The following NTNG2 variants were observed in gnomAD, a reference collection of about 807,000 sequenced individuals.
NTNG2 encodes the protein netrin-G2.
A neutral mutation model predicts 47.6 loss-of-function variants in NTNG2; 15 were observed. The ratio of observed to expected loss-of-function variants is 0.32; its 90% CI spans 0.21 to 0.49. The LOEUF is 0.49. NTNG2 is among the 20% of genes least tolerant of loss of function. The pLI, the probability that NTNG2 is intolerant of heterozygous loss-of-function variation, is 0.99. For synonymous variants in NTNG2, 307 were observed against 324.6 expected (o/e 0.95, Z 0.58); for missense variants, 578 against 764.6 (o/e 0.76, Z 2.88).
At chr9:132,188,051 C>T (rs1837540014) in intron 2 of NTNG2, among the ~76,000 whole-genome samples, 1 of 152,256 alleles carries the variant, frequency 6.6e-6, no homozygotes, top group Admixed American at 6.5e-5. Flanking sequence ...TTGATTTATG[C>T]ACCTGCCCAA....
intron 3 of NTNG2, among the ~76,000 whole-genome samples, chr9:132,210,554 G>A (rs1163492371): frequency 1.3e-5 from 2 of 152,154 alleles, no homozygotes; most frequent in Admixed American, 1.3e-4. Flanking sequence ...AACAGCGGAC[G>A]GGGGACTGAG....
intron 2 of NTNG2, among the ~76,000 whole-genome samples, chr9:132,177,992 G>T (rs776791401): frequency 2.0e-5 from 3 of 152,148 alleles, no homozygotes; most frequent in Non-Finnish European, 4.4e-5. Flanking sequence ...AGCATTCTAT[G>T]TGCACTACTT....
In NTNG2 at chr9:132,231,371, G is replaced by T; in HGVS notation, c.1054+776G>T. On this transcript the variant is annotated intron_variant, in intron 5 of 7. Coordinates refer to ENST00000393229, the MANE Select transcript of NTNG2 (RefSeq NM_032536.4). The surrounding 1 kb of genome is among the most constrained non-coding windows in gnomAD (Gnocchi z 4.1). ...GGAGAGGACTGGCCAATGTCAAAGA[G>T]CCAGCCGGGAGCAGACCCCAAATCT... 2.2e-6 allele frequency: 1 copy of T among 455,866 alleles called. No homozygotes were observed. Among genetic ancestry groups the T allele is most frequent in the Non-Finnish European group, 4.4e-6 (1 of 226,554 alleles). 28.2% of individuals were successfully genotyped at this position (455,866 alleles called of 1,614,324 possible).
chr9:132,171,832 G>A (rs888687371), intron 2 of NTNG2, among the ~76,000 whole-genome samples: 3 of 152,302 alleles, frequency 2.0e-5, no homozygotes, highest in Non-Finnish European at 4.4e-5. Context: ...TGACCGGCCC[G>A]ATGGCTCTGG....
At chr9:132,230,515 T>G in intron 4 of NTNG2, 57 bp from the exon 5 acceptor site, 1 of 1,544,006 alleles carries the variant, frequency 6.5e-7, no homozygotes, top group Non-Finnish European at 8.8e-7. Context: ...TGCAGGGAGG[T>G]GACACCCAGG....
At position 132,198,629 on chromosome 9, in the gene NTNG2, T is replaced by G. The variant is rs1423559001; in HGVS notation, c.857+20T>G. 1.3e-6 allele frequency: 2 copies of G among 1,594,940 alleles called. No homozygotes were observed. The highest frequency in any genetic ancestry group is 1.7e-6 in the Non-Finnish European group (2 of 1,167,486). ...CGGCAGGTAAGGCCGGGGGAAGCCC[T>G]GGATGTCACCTGCAACCTGGGATGC... On this transcript the variant is annotated intron_variant, in intron 3 of 7. Coordinates refer to ENST00000393229, the MANE Select transcript of NTNG2 (RefSeq NM_032536.4).
rs1214677309 is a variant in NTNG2, at chr9:132,182,118, C to T, written c.213+15074C>T. ...CTGCCCTTTGAGACACAATGGAGTC[C>T]GCTAATCCAGTTACTTGATAATTCA... On this transcript the variant is annotated intron_variant, in intron 2 of 7. Transcript: ENST00000393229. The surrounding 1 kb of genome is among the most constrained non-coding windows in gnomAD (Gnocchi z 4.2). Among the ~76,000 whole-genome samples the T allele has an allele frequency of 1.3e-5, 2 of 152,238 alleles. No individual in the cohort carries two copies. The highest frequency in any genetic ancestry group is 6.5e-5 in the Admixed American group (1 of 15,288).
intron 3 of NTNG2, among the ~76,000 whole-genome samples, chr9:132,209,299 C>A (rs1259844644): frequency 6.6e-6 from 1 of 152,198 alleles, no homozygotes; most frequent in Non-Finnish European, 1.5e-5. Context: ...AGCCTGACTT[C>A]TATTTTGGAC....
intron 2 of NTNG2, among the ~76,000 whole-genome samples, chr9:132,170,857 G>T (rs1207681302): frequency 6.6e-6 from 1 of 152,214 alleles, no homozygotes; most frequent in African/African-American, 2.4e-5. Context: ...CAACTGCCGA[G>T]CCAGACTCTG....
rs1838486503 is a variant in NTNG2 at position 132,198,449 on chromosome 9, C to A, written c.697C>A (p.Leu233Ile). Residue 233 changes from leucine (L) to isoleucine (I), a missense_variant, in exon 3 of 8, where the codon CTC becomes ATC. Transcript: ENST00000393229. ...CCCCGACCTGCGCAACATGGACAAC[C>A]TCTACACGCGGCTGGAGAGCGCCAA... is the stretch of plus-strand genomic sequence containing the variant. ...AGPDLRNMDN[L>I]YTRLESAKGL... is the part of the protein sequence containing the mutation. 6.2e-7 allele frequency: 1 copy of A among 1,613,000 alleles called. No individual in the cohort carries two copies. The highest frequency in any genetic ancestry group is 8.5e-7 in the Non-Finnish European group (1 of 1,179,982).
chr9:132,198,382 C>T lies in NTNG2; in HGVS notation c.630C>T (p.His210=). The T allele has an allele frequency of 1.2e-6, 2 of 1,613,026 alleles. No individual in the cohort carries two copies. Among genetic ancestry groups the T allele is most frequent in the Non-Finnish European group, 8.5e-7 (1 of 1,179,960 alleles). ...GGGCAGGCTCCAAGAAGGAGAAGCACGTGCGCTTCGAGGTGCGGGACCGCT... is the reference window on the plus strand; with the variant it reads ...GGGCAGGCTCCAAGAAGGAGAAGCATGTGCGCTTCGAGGTGCGGGACCGCT... ...SRWAGSKKEK[H]VRFEVRDRFA... Residue 210 remains histidine (H), a synonymous_variant, in exon 3 of 8, where the codon CAC becomes CAT. Transcript: ENST00000393229.
intron 2 of NTNG2, among the ~76,000 whole-genome samples, chr9:132,189,941 GC>G (rs1191896760): frequency 6.8e-6 from 1 of 147,084 alleles, no homozygotes; most frequent in South Asian, 2.3e-4. Context: ...GAGCAACTGT[GC>G]CCAGCCTAAA....
In NTNG2 at chr9:132,226,839, G is replaced by T. The variant is rs1209380770; in HGVS notation, c.858-10G>T. On this transcript the variant is annotated splice_polypyrimidine_tract_variant and intron_variant, in intron 3 of 7. Transcript: ENST00000393229. This position sits in a 1 kb window ranked among gnomAD's most constrained non-coding sequence, Gnocchi z 4.8. ...TCTCTGACATCTCTGCCCTCTCGGT[G>T]TCTCCCCAGGTGCAAGTGCAACCTG... The T allele has an allele frequency of 3.8e-6, 6 of 1,585,918 alleles. No individual in the cohort carries two copies. The highest frequency in any genetic ancestry group is 5.1e-6 in the Non-Finnish European group (6 of 1,165,792).
chr9:132,207,071 C>G (rs1457603664), intron 3 of NTNG2, among the ~76,000 whole-genome samples: 1 of 152,260 alleles, frequency 6.6e-6, no homozygotes, highest in Non-Finnish European at 1.5e-5. Flanking sequence ...GAGTCACGCA[C>G]AGCAACGCCT....
chr9:132,186,849 A>G (rs1022804745), intron 2 of NTNG2, among the ~76,000 whole-genome samples: 16 of 152,258 alleles, frequency 1.1e-4, no homozygotes, highest in African/African-American at 3.6e-4. Context: ...AATGTTTGTC[A>G]TATACCGCTG....
chr9:132,193,892 C>A (rs1254351739), intron 2 of NTNG2, among the ~76,000 whole-genome samples: 3 of 152,174 alleles, frequency 2.0e-5, no homozygotes, highest in Admixed American at 1.3e-4. Context: ...TGGCTTGGAG[C>A]CAGCCGCCTT....
rs762968988 is a variant in NTNG2, at chr9:132,197,935, C to T, written c.214-31C>T. The T allele has an allele frequency of 1.3e-6, 2 of 1,585,502 alleles. No individual in the cohort carries two copies. Among genetic ancestry groups the T allele is most frequent in the Non-Finnish European group, 1.7e-6 (2 of 1,165,172 alleles). On this transcript the variant is annotated intron_variant, in intron 2 of 7. Coordinates refer to ENST00000393229, the MANE Select transcript of NTNG2 (RefSeq NM_032536.4). This position sits in a 1 kb window ranked among gnomAD's most constrained non-coding sequence, Gnocchi z 4.3. Reference sequence around the variant, plus strand: ...CCAGGCCATCCCGAGCATCCAGCACCCACCCTTCCCTTCTCCTCTCCCCGC... The same window carrying T: ...CCAGGCCATCCCGAGCATCCAGCACTCACCCTTCCCTTCTCCTCTCCCCGC...
At chr9:132,189,095 T>TTTTTTTTTTTTTTTTTTTTGA in intron 2 of NTNG2, among the ~76,000 whole-genome samples, 2 of 139,750 alleles carry the variant, frequency 1.4e-5, no homozygotes, top group Admixed American at 1.5e-4. Context: ...TTTTTTTTTT[T>TTTTTTTTTTTTTTTTTTTTGA]AGACAGGGTC....
chr9:132,189,068 CT>C lies in NTNG2; in HGVS notation c.214-8871del, dbSNP rs749756559. On this transcript the variant is annotated intron_variant, in intron 2 of 7. Transcript: ENST00000393229. Reference sequence around the variant, plus strand: ...TATGTGAAAAAGGCTTTAAGCCTTTCTTTTTTTTTTTTTTTTTTTTTTTTTT... The same window carrying C: ...TATGTGAAAAAGGCTTTAAGCCTTTCTTTTTTTTTTTTTTTTTTTTTTTTT... Among the ~76,000 whole-genome samples the C allele has an allele frequency of 3.3e-3, 312 of 93,280 alleles. 44 individuals are homozygous for C. The highest frequency in any genetic ancestry group is 6.7e-3 in the Middle Eastern group (1 of 150). The allele number at this position is 93,280 out of a possible 152,430, so 61.2% of individuals were successfully genotyped here.
Sources: gnomAD v4.1 joint callset for allele counts (sites outside exome capture counted in the v4.1 genomes callset) on GRCh38, gnomAD v4.1.1 for gene constraint, Gnocchi (gnomAD v3.1) non-coding constraint, MANE v1.5 for transcripts, NCBI Gene and HGNC (gene_info 2026-07-23, HGNC 2026-07-21) for gene names.